Variants in NEK10 observed in about 807,000 individuals in gnomAD.
NEK10 encodes the protein NIMA related kinase 10, also known as serine/threonine-protein kinase Nek10.
A neutral mutation model predicts 159.8 loss-of-function variants in NEK10; 122 were observed. The ratio of observed to expected loss-of-function variants is 0.76; its 90% CI spans 0.66 to 0.89. The LOEUF is 0.89. NEK10 is among the 40% of genes least tolerant of loss of function. The pLI, the probability that NEK10 is intolerant of heterozygous loss-of-function variation, is 0.00. For synonymous variants in NEK10, 466 were observed against 457.1 expected (o/e 1.02, Z -0.25); for missense variants, 1,342 against 1,323.1 (o/e 1.01, Z -0.22).
At chr3:27,284,803 C>T in intron 21 of NEK10, 37 bp downstream of exon 21, 1 of 1,557,480 alleles carries the variant, frequency 6.4e-7, no homozygotes, top group Non-Finnish European at 8.8e-7. Context: ...CAGAACATTA[C>T]TGTTTTAAGA....
intron 5 of NEK10, among the ~76,000 whole-genome samples, chr3:27,339,394 G>C (rs571023936): frequency 6.6e-6 from 1 of 152,162 alleles, no homozygotes; most frequent in Non-Finnish European, 1.5e-5. Flanking sequence ...CAAAGGATAT[G>C]AGCAGACACT....
At chr3:27,204,298 G>GTTTTTTTTTTTTTTTTTTTTTTTTTTTT (rs1559606061) in intron 23 of NEK10, among the ~76,000 whole-genome samples, 1 of 65,522 alleles carries the variant, frequency 1.5e-5, no homozygotes, top group Non-Finnish European at 2.8e-5. Flanking sequence ...TTTTTTTGTT[G>GTTTTTTTTTTTTTTTTTTTTTTTTTTTT]TTGTTTTTTT....
At chr3:27,368,486 T>C (rs2049268560) in intron 1 of NEK10, among the ~76,000 whole-genome samples, 1 of 152,060 alleles carries the variant, frequency 6.6e-6, no homozygotes, top group African/African-American at 2.4e-5. Context: ...AATGTGGGAA[T>C]TGATTCAACA....
intron 23 of NEK10, among the ~76,000 whole-genome samples, chr3:27,250,272 C>T (rs988212807): frequency 3.9e-5 from 6 of 151,966 alleles, no homozygotes; most frequent in South Asian, 4.2e-4. Context: ...CTGCAAGCAC[C>T]GCCTCCCAGG....
intron 23 of NEK10, among the ~76,000 whole-genome samples, chr3:27,254,243 G>A (rs1322198582): frequency 6.6e-6 from 1 of 152,032 alleles, no homozygotes; most frequent in Non-Finnish European, 1.5e-5. Flanking sequence ...TTTTGTGTGT[G>A]GTCCAAGACA....
Position 27,291,245 on chromosome 3 carries a change from C to T in NEK10, c.1605+17G>A, listed in dbSNP as rs139214725. 18,525 of 1,606,858 alleles carry T rather than the reference C, an allele frequency of 0.012. 133 individuals carry two copies. The highest frequency in any genetic ancestry group is 0.014 in the Non-Finnish European group (16,105 of 1,177,664). On this transcript the variant is annotated intron_variant, in intron 18 of 35. Coordinates refer to ENST00000691995, the MANE Select transcript of NEK10 (RefSeq NM_001394966.1). ...TTGGTTGGGAGTATCAGAAATGTTCCCCAAGGGGAAAGTCACCTTGTAAAC... is the reference window on the plus strand; with the variant it reads ...TTGGTTGGGAGTATCAGAAATGTTCTCCAAGGGGAAAGTCACCTTGTAAAC...
intron 23 of NEK10, among the ~76,000 whole-genome samples, chr3:27,247,008 C>T (rs550172960): frequency 1.3e-5 from 2 of 152,072 alleles, no homozygotes; most frequent in Non-Finnish European, 2.9e-5. Flanking sequence ...TTGGTGGAGT[C>T]GTCAGGTTTT....
chr3:27,291,651 T>A (rs2043005748), intron 16 of NEK10, 65 bp from the exon 17 acceptor site: 1 of 954,228 alleles, frequency 1.0e-6, no homozygotes, highest in Non-Finnish European at 1.7e-6. Context: ...CTTCCCTTTT[T>A]TATTTTTTTG....
At chr3:27,214,917 T>C in intron 23 of NEK10, 1 of 1,056,170 alleles carries the variant, frequency 9.5e-7, no homozygotes, top group South Asian at 1.3e-5. Context: ...ATTCTTCTTT[T>C]AAAGAAGGTG....
intron 22 of NEK10, among the ~76,000 whole-genome samples, chr3:27,261,173 C>A (rs2040380856): frequency 6.6e-6 from 1 of 152,148 alleles, no homozygotes; most frequent in Non-Finnish European, 1.5e-5. Flanking sequence ...AAAATACCAG[C>A]TCCTGGATTC....
At chr3:27,148,064 T>A (rs769185383) in intron 30 of NEK10, among the ~76,000 whole-genome samples, 5 of 152,196 alleles carry the variant, frequency 3.3e-5, no homozygotes, top group Non-Finnish European at 7.4e-5. Flanking sequence ...ACACACTATA[T>A]GAAACATCCC....
chr3:27,290,626 A>T lies in NEK10; in HGVS notation c.1734T>A (p.Ile578=). Residue 578 remains isoleucine (I), a synonymous_variant, in exon 19 of 36, where the codon ATT becomes ATA. Coordinates refer to ENST00000691995, the MANE Select transcript of NEK10 (RefSeq NM_001394966.1). ...VRNIVSELTI[I]KEQLYHPNIV... ...CAAGGAAAACATTTACCTGCTCTTT[A>T]ATTATTGTTAATTCAGAAACAATAT... is the stretch of plus-strand genomic sequence containing the variant. The T allele has an allele frequency of 6.3e-7, 1 of 1,587,624 alleles. No individual in the cohort carries two copies. Among genetic ancestry groups the T allele is most frequent in the East Asian group, 2.2e-5 (1 of 44,640 alleles).
chr3:27,316,533 G>A (rs911146777), intron 6 of NEK10, among the ~76,000 whole-genome samples: 1 of 146,700 alleles, frequency 6.8e-6, no homozygotes, highest in African/African-American at 2.5e-5. Context: ...TGAGGTGAGG[G>A]CAAAAGACTA....
At chr3:27,176,712 CT>C in intron 26 of NEK10, among the ~76,000 whole-genome samples, 1 of 152,202 alleles carries the variant, frequency 6.6e-6, no homozygotes, top group East Asian at 1.9e-4. Context: ...TTCTTATGAC[CT>C]TTTTTATTCT....
At chr3:27,367,581 C>G (rs906798125) in intron 1 of NEK10, 2 of 152,154 alleles carry the variant, frequency 1.3e-5, no homozygotes, top group African/African-American at 4.8e-5. Context: ...AATAAAGATA[C>G]CATGGCAAAC....
intron 22 of NEK10, among the ~76,000 whole-genome samples, chr3:27,276,806 A>G (rs1575558625): frequency 6.6e-6 from 1 of 152,240 alleles, no homozygotes; most frequent in African/African-American, 2.4e-5. Flanking sequence ...TCCTTCTGTC[A>G]TTGGAAAAAC....
rs547271275 is a variant in NEK10 at position 27,244,835 on chromosome 3, C to G, written c.2090+11461G>C. 2.0e-5 allele frequency among the ~76,000 whole-genome samples: 3 copies of G among 152,276 alleles called. No homozygotes were observed. In the East Asian group the frequency reaches 5.8e-4, roughly 29 times the overall value. ...CCACTATGTGCCCACACCGCAGATGCTGATGCCTTGCTCCCTCACCTGCAC... is the reference window on the plus strand; with the variant it reads ...CCACTATGTGCCCACACCGCAGATGGTGATGCCTTGCTCCCTCACCTGCAC... On this transcript the variant is annotated intron_variant, in intron 23 of 35. Coordinates refer to ENST00000691995, the MANE Select transcript of NEK10 (RefSeq NM_001394966.1).
chr3:27,292,696 T>C (rs989339699), intron 16 of NEK10, among the ~76,000 whole-genome samples: 1 of 143,070 alleles, frequency 7.0e-6, no homozygotes, highest in African/African-American at 2.7e-5. Context: ...TAGCCAGGTG[T>C]GGTGGTGCAT....
chr3:27,343,993 C>T (rs917277081), intron 5 of NEK10, among the ~76,000 whole-genome samples: 6 of 152,170 alleles, frequency 3.9e-5, no homozygotes, highest in Non-Finnish European at 7.4e-5. Flanking sequence ...TAAGGTCCCA[C>T]ACAATAAATT....
Sources: allele counts gnomAD v4.1 joint callset (sites outside exome capture counted in the v4.1 genomes callset), GRCh38; gene constraint gnomAD v4.1.1; transcripts MANE v1.5; gene names NCBI Gene and HGNC (gene_info 2026-07-23, HGNC 2026-07-21).